PLCB1: variants seen among roughly 807,000 people sequenced by gnomAD.
The protein encoded by PLCB1 is 1-phosphatidylinositol 4,5-bisphosphate phosphodiesterase beta-1.
Under a neutral mutation model 161.8 loss-of-function variants are expected in PLCB1, and 46 were observed. The ratio of observed to expected loss-of-function variants is 0.28; its 90% CI spans 0.22 to 0.36. The LOEUF (loss-of-function observed/expected upper bound fraction) is 0.36. Among genes scored for constraint, PLCB1 ranks in the 10% least tolerant of loss-of-function variants. The pLI is 1.00. For missense variants in PLCB1, 1,016 were observed against 1,472.5 expected (o/e 0.69, Z 5.07); for synonymous variants, 517 against 503.7 (o/e 1.03, Z -0.35).
At chr20:8,628,272 A>G (rs759325330) in intron 3 of PLCB1, 22 bp from the exon 4 acceptor site, 2 of 1,592,144 alleles carry the variant, frequency 1.3e-6, no homozygotes, top group Non-Finnish European at 1.7e-6. Flanking sequence ...TAGACTAATT[A>G]TTTTCAATAT....
intron 2 of PLCB1, among the ~76,000 whole-genome samples, chr20:8,194,434 T>C (rs1350590610): frequency 6.6e-6 from 1 of 152,054 alleles, no homozygotes; most frequent in Non-Finnish European, 1.5e-5. Context: ...GGTGTACAGC[T>C]GAATTTTTAA....
In PLCB1 at chr20:8,672,198, A is replaced by T. The variant is rs530780923; in HGVS notation, c.863-12734A>T. On this transcript the variant is annotated intron_variant, in intron 9 of 31. Transcript: ENST00000338037. ...CTTTGCTTGGGCACAAACCTTGAGC[A>T]AGCTACTTGCCTCAGGTTTCCCATC... Among the ~76,000 whole-genome samples the T allele has an allele frequency of 1.1e-3, 165 of 152,334 alleles. 1 individual carries two copies. The highest frequency in any genetic ancestry group is 1.9e-3 in the Non-Finnish European group (128 of 68,038).
rs1308827255 is a variant in PLCB1, at chr20:8,881,797, G to A, written c.3599G>A (p.Ser1200Asn). Reference sequence around the variant, plus strand: ...AAAGTGAACCACAAGACTCCCTCCAGTGAGGAGCTGGGAGGAGACATCCCA... The same window carrying A: ...AAAGTGAACCACAAGACTCCCTCCAATGAGGAGCTGGGAGGAGACATCCCA... Reference protein sequence around the residue: ...PGKVNHKTPSSEELGGDIPGK... With the variant: ...PGKVNHKTPSNEELGGDIPGK... The change falls in exon 32 of 32, where the codon AGT (serine) becomes AAT (asparagine). Residue 1200 changes from serine (S) to asparagine (N), a missense_variant. Ser to Asn is a conservative substitution (Grantham distance 46). Around this residue, in one of 10 missense-constraint regions of PLCB1, gnomAD observed 398 missense variants for 445.4 expected, o/e 0.89. Transcript: ENST00000338037. The A allele has an allele frequency of 1.2e-6, 2 of 1,614,124 alleles. No homozygotes were observed. The highest frequency in any genetic ancestry group is 2.2e-5 in the South Asian group (2 of 91,076).
At chr20:8,777,218 A>G (rs979209021) in intron 27 of PLCB1, among the ~76,000 whole-genome samples, 2 of 152,054 alleles carry the variant, frequency 1.3e-5, no homozygotes, top group Admixed American at 6.6e-5. Flanking sequence ...GAACTGTTGG[A>G]AGCTTTTGAG....
intron 2 of PLCB1, among the ~76,000 whole-genome samples, chr20:8,304,590 T>A (rs1221017925): frequency 6.6e-6 from 1 of 151,910 alleles, no homozygotes; most frequent in East Asian, 1.9e-4. Flanking sequence ...GGGCCTCTTC[T>A]GTGGACAAAC....
chr20:8,336,015 G>A (rs1985563703), intron 2 of PLCB1, among the ~76,000 whole-genome samples: 1 of 152,148 alleles, frequency 6.6e-6, no homozygotes, highest in African/African-American at 2.4e-5. Flanking sequence ...TGGTAGAGCA[G>A]CAGGATCCAG....
chr20:8,279,055 G>A (rs1277092120), intron 2 of PLCB1, among the ~76,000 whole-genome samples: 1 of 151,842 alleles, frequency 6.6e-6, no homozygotes, highest in Non-Finnish European at 1.5e-5. Flanking sequence ...CATTGCTGGT[G>A]GGAATGTAAA....
At chr20:8,477,500 T>G (rs1297674275) in intron 3 of PLCB1, among the ~76,000 whole-genome samples, 1 of 152,218 alleles carries the variant, frequency 6.6e-6, no homozygotes, top group African/African-American at 2.4e-5. Context: ...TAGTGTGTAT[T>G]AGCCCATTTT....
At chr20:8,441,088 A>G (rs1012121622) in intron 3 of PLCB1, among the ~76,000 whole-genome samples, 2 of 152,206 alleles carry the variant, frequency 1.3e-5, no homozygotes, top group Non-Finnish European at 2.9e-5. Context: ...CAAGAAATCC[A>G]GTATATACCC....
At chr20:8,658,842 T>C in intron 9 of PLCB1, 138 bp downstream of exon 9, 1 of 696,244 alleles carries the variant, frequency 1.4e-6, no homozygotes, top group Non-Finnish European at 2.3e-6. Context: ...TGAAATCACT[T>C]GGTGGTTCAG....
At chr20:8,832,259 TC>T (rs1413112167) in intron 31 of PLCB1, among the ~76,000 whole-genome samples, 1 of 152,202 alleles carries the variant, frequency 6.6e-6, no homozygotes, top group Non-Finnish European at 1.5e-5. Context: ...AAATTTAGCA[TC>T]TTAAAATTTA....
intron 9 of PLCB1, among the ~76,000 whole-genome samples, chr20:8,672,729 A>G (rs1182063490): frequency 6.6e-6 from 1 of 152,142 alleles, no homozygotes; most frequent in Non-Finnish European, 1.5e-5. Flanking sequence ...GCAAAGTGTA[A>G]TGAGAGAATT....
chr20:8,674,101 C>T (rs1169549513), intron 9 of PLCB1, among the ~76,000 whole-genome samples: 1 of 152,206 alleles, frequency 6.6e-6, no homozygotes, highest in Non-Finnish European at 1.5e-5. Context: ...TCATTTCCTT[C>T]AAGGGAAACA....
intron 2 of PLCB1, among the ~76,000 whole-genome samples, chr20:8,288,506 C>T (rs1160202520): frequency 1.3e-5 from 2 of 152,190 alleles, no homozygotes; most frequent in Non-Finnish European, 1.5e-5. Context: ...CTAGCCTCAA[C>T]CTGGTCCCAC....
chr20:8,625,955 A>G (rs1988328552), intron 3 of PLCB1, among the ~76,000 whole-genome samples: 2 of 152,126 alleles, frequency 1.3e-5, no homozygotes, highest in African/African-American at 4.8e-5. Context: ...AGGTAGGTGC[A>G]TTAGCTGAGG....
At chr20:8,287,668 A>C (rs1015052717) in intron 2 of PLCB1, among the ~76,000 whole-genome samples, 1 of 152,218 alleles carries the variant, frequency 6.6e-6, no homozygotes, top group African/African-American at 2.4e-5. Context: ...AAGAATCAGC[A>C]TGGACCCTCT....
chr20:8,553,861 G>A (rs759373307), intron 3 of PLCB1, among the ~76,000 whole-genome samples: 27 of 151,758 alleles, frequency 1.8e-4, no homozygotes, highest in Non-Finnish European at 3.8e-4. Flanking sequence ...AATTAGCTGG[G>A]CATGGTGGTA....
At chr20:8,650,927 C>T (rs923351694) in intron 7 of PLCB1, among the ~76,000 whole-genome samples, 1 of 152,138 alleles carries the variant, frequency 6.6e-6, no homozygotes, top group African/African-American at 2.4e-5. Context: ...AGAGGACAAG[C>T]ATGTAACATG....
intron 4 of PLCB1, among the ~76,000 whole-genome samples, chr20:8,641,921 T>G (rs1490661870): frequency 3.3e-5 from 5 of 152,192 alleles, no homozygotes. Context: ...TTTGTCCAGT[T>G]TTTCCTTCAA....
Sources: gnomAD v4.1 joint callset for allele counts (sites outside exome capture counted in the v4.1 genomes callset) on GRCh38, gnomAD v4.1.1 for gene constraint, gnomAD v4.1.1 regional missense constraint, MANE v1.5 for transcripts, NCBI Gene and HGNC (gene_info 2026-07-23, HGNC 2026-07-21) for gene names.